The following BICD1 variants were observed in gnomAD, a reference collection of about 807,000 sequenced individuals.
BICD1 encodes protein bicaudal D homolog 1.
In BICD1, 35 loss-of-function variants were observed where a neutral mutation model predicts 92.5. The observed-to-expected ratio is 0.38, with a 90% CI of 0.29 to 0.50. The LOEUF is 0.50. BICD1 is among the 20% of genes least tolerant of loss of function. The pLI is 0.93. For missense variants in BICD1, 950 were observed against 1,189.8 expected (o/e 0.80, Z 2.97); for synonymous variants, 429 against 465.1 (o/e 0.92, Z 1.00).
intron 4 of BICD1, among the ~76,000 whole-genome samples, chr12:32,314,697 AT>A (rs1948455945): frequency 6.7e-6 from 1 of 150,216 alleles, no homozygotes; most frequent in Non-Finnish European, 1.5e-5. Flanking sequence ...ATTTGCAAAT[AT>A]TTTCTCCCAT....
At chr12:32,189,208 C>A (rs1215864475) in intron 1 of BICD1, among the ~76,000 whole-genome samples, 1 of 152,092 alleles carries the variant, frequency 6.6e-6, no homozygotes, top group Non-Finnish European at 1.5e-5. Flanking sequence ...GAAGAATGTG[C>A]CTTTAAGGAG....
chr12:32,292,476 T>C (rs946274330), intron 2 of BICD1, among the ~76,000 whole-genome samples: 7 of 152,228 alleles, frequency 4.6e-5, no homozygotes, highest in African/African-American at 1.4e-4. Context: ...CATGTCTTTT[T>C]TGGGAGACAA....
chr12:32,358,723 G>A (rs1201384755), intron 8 of BICD1, among the ~76,000 whole-genome samples: 2 of 151,790 alleles, frequency 1.3e-5, no homozygotes, highest in Non-Finnish European at 2.9e-5. Context: ...GCGACAGAGT[G>A]AGACTCCACC....
chr12:32,291,891 T>C (rs1947735551), intron 2 of BICD1, among the ~76,000 whole-genome samples: 1 of 151,986 alleles, frequency 6.6e-6, no homozygotes, highest in South Asian at 2.1e-4. Context: ...TTTGAAAGCA[T>C]ATGTCGGAAA....
At chr12:32,356,066 C>T (rs993421408) in intron 8 of BICD1, among the ~76,000 whole-genome samples, 4 of 152,162 alleles carry the variant, frequency 2.6e-5, no homozygotes, top group South Asian at 2.1e-4. Flanking sequence ...TAAGGGCCTT[C>T]GACTCCTCCC....
In BICD1 at chr12:32,377,470, C is replaced by T. The variant is rs186867146; in HGVS notation, c.2841-70C>T. 1.5e-5 allele frequency: 18 copies of T among 1,222,666 alleles called. No homozygotes were observed. In the African/African-American group the frequency reaches 2.4e-4, roughly 16 times the overall value. 75.7% of individuals were successfully genotyped at this position (1,222,666 alleles called of 1,614,324 possible). ...CAAAATCTATGCAAAAATATCTCGT[C>T]TAACCCCTACCATTGTGCCTGGCCC... On this transcript the variant is annotated intron_variant, in intron 9 of 9. Coordinates refer to ENST00000652176, the MANE Select transcript of BICD1 (RefSeq NM_001714.4).
chr12:32,318,647 G>A (rs1020600888), intron 4 of BICD1, among the ~76,000 whole-genome samples: 3 of 152,180 alleles, frequency 2.0e-5, no homozygotes, highest in Non-Finnish European at 4.4e-5. Context: ...CTGAGGTCGG[G>A]AGTTTGAGAC....
chr12:32,244,710 C>A (rs1197994701), intron 2 of BICD1, among the ~76,000 whole-genome samples: 2 of 150,948 alleles, frequency 1.3e-5, no homozygotes, highest in Non-Finnish European at 2.9e-5. Context: ...CTCACTGCAA[C>A]CTCCACCTCC....
intron 8 of BICD1, among the ~76,000 whole-genome samples, chr12:32,355,576 C>A (rs1002719404): frequency 6.6e-6 from 1 of 152,020 alleles, no homozygotes; most frequent in Non-Finnish European, 1.5e-5. Flanking sequence ...CTGAGGCAGG[C>A]GGATTGCTTG....
chr12:32,320,973 T>C (rs1450818258), intron 4 of BICD1, among the ~76,000 whole-genome samples: 1 of 152,194 alleles, frequency 6.6e-6, no homozygotes, highest in East Asian at 1.9e-4. Context: ...ACACTTAAAA[T>C]GTATAGTAAT....
At chr12:32,365,906 GA>G in intron 8 of BICD1, among the ~76,000 whole-genome samples, 1 of 152,304 alleles carries the variant, frequency 6.6e-6, no homozygotes, top group Middle Eastern at 3.4e-3. Context: ...CTCAATCTGA[GA>G]AAACAGATTT....
At chr12:32,316,286 CTTT>C (rs77628895) in intron 4 of BICD1, among the ~76,000 whole-genome samples, 2 of 147,406 alleles carry the variant, frequency 1.4e-5, no homozygotes, top group Admixed American at 1.4e-4. Context: ...ATGATATTTT[CTTT>C]TTTTTTTTCT....
At chr12:32,285,164 G>T (rs1445428231) in intron 2 of BICD1, among the ~76,000 whole-genome samples, 4 of 152,180 alleles carry the variant, frequency 2.6e-5, no homozygotes, top group Admixed American at 2.0e-4. Context: ...TTCCTTCAAG[G>T]TTCTACCCAA....
intron 2 of BICD1, among the ~76,000 whole-genome samples, chr12:32,284,085 G>C (rs932997634): frequency 6.6e-6 from 1 of 152,216 alleles, no homozygotes; most frequent in Non-Finnish European, 1.5e-5. Flanking sequence ...CCTGTGGGGT[G>C]GGGGGCAAGG....
chr12:32,177,552 A>G (rs1200176744), intron 1 of BICD1, among the ~76,000 whole-genome samples: 1 of 150,880 alleles, frequency 6.6e-6, no homozygotes. Context: ...TTCTATAGGC[A>G]AAAGAAAAGA....
chr12:32,335,538 A>T (rs1489799146), intron 6 of BICD1, among the ~76,000 whole-genome samples: 1 of 151,576 alleles, frequency 6.6e-6, no homozygotes, highest in African/African-American at 2.4e-5. Context: ...TACTGTTGAA[A>T]TACATTTTTT....
chr12:32,265,512 C>A (rs941083243), intron 2 of BICD1, among the ~76,000 whole-genome samples: 1 of 143,476 alleles, frequency 7.0e-6, no homozygotes. Context: ...ATTTTAAGAT[C>A]AGCCTGGGAA....
chr12:32,320,186 A>C (rs1462826501), intron 4 of BICD1, among the ~76,000 whole-genome samples: 1 of 152,212 alleles, frequency 6.6e-6, no homozygotes, highest in East Asian at 1.9e-4. Context: ...GAAGAATCAC[A>C]TGATCATTTA....
chr12:32,250,977 G>A (rs773716329), intron 2 of BICD1, among the ~76,000 whole-genome samples: 50 of 152,178 alleles, frequency 3.3e-4, no homozygotes, highest in Non-Finnish European at 5.9e-4. Flanking sequence ...GACACAGTGA[G>A]ACCCTGTATC....
Sources: gnomAD v4.1 joint callset for allele counts (sites outside exome capture counted in the v4.1 genomes callset) on GRCh38, gnomAD v4.1.1 for gene constraint, MANE v1.5 for transcripts, NCBI Gene and HGNC (gene_info 2026-07-23, HGNC 2026-07-21) for gene names.